FOXP2: variants seen among roughly 807,000 people sequenced by gnomAD.
FOXP2 encodes forkhead box protein P2.
Under a neutral mutation model 115.8 loss-of-function variants are expected in FOXP2, and 12 were observed. The ratio of observed to expected loss-of-function variants is 0.10; its 90% CI spans 0.07 to 0.17. FOXP2 has a LOEUF of 0.17. Among genes scored for constraint, FOXP2 ranks in the 10% least tolerant of loss-of-function variants. FOXP2 has a pLI of 1.00. For missense variants in FOXP2, 629 were observed against 843.5 expected, an observed-to-expected ratio of 0.75 and a Z score of 3.15; for synonymous variants, 328 against 297.7, an observed-to-expected ratio of 1.10 and a Z score of -1.05.
At chr7:114,542,682 T>C (rs1175774849) in intron 3 of FOXP2, among the ~76,000 whole-genome samples, 1 of 152,186 alleles carries the variant, frequency 6.6e-6, no homozygotes, top group Non-Finnish European at 1.5e-5. Flanking sequence ...TCTAAGAACA[T>C]CTAAGATTGT....
intron 3 of FOXP2, among the ~76,000 whole-genome samples, chr7:114,609,856 C>T (rs1001796894): frequency 6.6e-6 from 1 of 152,116 alleles, no homozygotes; most frequent in Non-Finnish European, 1.5e-5. Flanking sequence ...GCTTGATTTA[C>T]CTTCTATTTG....
intron 3 of FOXP2, among the ~76,000 whole-genome samples, chr7:114,618,225 A>G (rs1804053784): frequency 6.6e-6 from 1 of 152,220 alleles, no homozygotes; most frequent in Non-Finnish European, 1.5e-5. Flanking sequence ...ATGAATGACT[A>G]TGGAGGGTTT....
At chr7:114,474,467 A>G (rs887101424) in intron 2 of FOXP2, among the ~76,000 whole-genome samples, 2 of 152,194 alleles carry the variant, frequency 1.3e-5, no homozygotes, top group African/African-American at 4.8e-5. Context: ...CATAACAAAC[A>G]TCCTGACTCT....
chr7:114,454,832 A>G (rs1795228711), intron 2 of FOXP2, among the ~76,000 whole-genome samples: 1 of 126,666 alleles, frequency 7.9e-6, no homozygotes, highest in Non-Finnish European at 1.6e-5. Flanking sequence ...GATCACATGG[A>G]CACAGGAAGG....
At chr7:114,277,130 A>T (rs1796209649) in intron 1 of FOXP2, among the ~76,000 whole-genome samples, 2 of 152,214 alleles carry the variant, frequency 1.3e-5, no homozygotes, top group South Asian at 4.1e-4. Context: ...TCATCAGGAA[A>T]GTTCTTGTAA....
At chr7:114,673,250 T>C (rs758375784) in intron 16 of FOXP2, among the ~76,000 whole-genome samples, 6 of 152,206 alleles carry the variant, frequency 3.9e-5, no homozygotes, top group Non-Finnish European at 7.3e-5. Context: ...GAATGTTTAT[T>C]GATAGTTTTC....
At chr7:114,284,636 T>C (rs1274427702) in intron 1 of FOXP2, among the ~76,000 whole-genome samples, 3 of 152,168 alleles carry the variant, frequency 2.0e-5, no homozygotes, top group Admixed American at 6.6e-5. Flanking sequence ...TCAACCATTA[T>C]AGAAAACTGT....
intron 3 of FOXP2, among the ~76,000 whole-genome samples, chr7:114,555,948 C>T (rs1800434185): frequency 6.6e-6 from 1 of 152,134 alleles, no homozygotes; most frequent in Non-Finnish European, 1.5e-5. Context: ...GTCTTCTATA[C>T]CTCCCTCATC....
At chr7:114,570,745 T>G in intron 3 of FOXP2, 1 of 1,226,802 alleles carries the variant, frequency 8.2e-7, no homozygotes, top group Admixed American at 1.7e-5. Flanking sequence ...TAATGTACGT[T>G]ATTAGCACAA....
At chr7:114,375,983 G>A (rs1792128478) in intron 2 of FOXP2, among the ~76,000 whole-genome samples, 2 of 152,154 alleles carry the variant, frequency 1.3e-5, no homozygotes, top group Non-Finnish European at 2.9e-5. Flanking sequence ...GGCCATCTTT[G>A]GACATAATCT....
At chr7:114,526,172 T>TAAAA (rs3028251) in intron 2 of FOXP2, among the ~76,000 whole-genome samples, 10,429 of 79,482 alleles carry the variant, frequency 0.13, 1,032 homozygotes, top group Middle Eastern at 0.18. Flanking sequence ...GTTTCTTTAT[T>TAAAA]AAAAAAAAAA....
At chr7:114,377,269 A>C (rs1174343143) in intron 2 of FOXP2, among the ~76,000 whole-genome samples, 1 of 152,236 alleles carries the variant, frequency 6.6e-6, no homozygotes, top group Non-Finnish European at 1.5e-5. Flanking sequence ...TACTTTCCAA[A>C]TACTCATTGA....
intron 1 of FOXP2, among the ~76,000 whole-genome samples, chr7:114,102,965 G>A (rs1039570772): frequency 1.4e-4 from 22 of 152,022 alleles, no homozygotes; most frequent in African/African-American, 5.1e-4. Flanking sequence ...GTTGTTCAGT[G>A]CTTGACTTTT....
At chr7:114,236,790 A>G (rs1194319) in intron 1 of FOXP2, among the ~76,000 whole-genome samples, 101,551 of 151,804 alleles carry the variant, frequency 0.67, 34,479 homozygotes, top group Middle Eastern at 0.83. Flanking sequence ...CAGCTTTGCC[A>G]ACATAGCAAA....
chr7:114,563,195 C>A (rs1221777648), intron 3 of FOXP2, among the ~76,000 whole-genome samples: 1 of 152,162 alleles, frequency 6.6e-6, no homozygotes, highest in East Asian at 1.9e-4. Context: ...AAGGGAACTA[C>A]AATTCAAGAT....
At chr7:114,146,304 C>A (rs1447629611) in intron 1 of FOXP2, among the ~76,000 whole-genome samples, 1 of 152,172 alleles carries the variant, frequency 6.6e-6, no homozygotes, top group Non-Finnish European at 1.5e-5. Flanking sequence ...GAACACTAGG[C>A]ATAATACATG....
At chr7:114,288,265 A>G (rs1443787892) in intron 2 of FOXP2, among the ~76,000 whole-genome samples, 3 of 151,958 alleles carry the variant, frequency 2.0e-5, no homozygotes, top group Admixed American at 1.3e-4. Context: ...TAAGTGTGGC[A>G]GTAGAAATAT....
At chr7:114,175,607 C>T (rs1056387003) in intron 1 of FOXP2, among the ~76,000 whole-genome samples, 1 of 152,146 alleles carries the variant, frequency 6.6e-6, no homozygotes, top group Non-Finnish European at 1.5e-5. Context: ...CATTTTTCTA[C>T]ATATGGTGTA....
chr7:114,638,919 A>T (rs1805374019), intron 6 of FOXP2, among the ~76,000 whole-genome samples: 1 of 152,186 alleles, frequency 6.6e-6, no homozygotes, highest in African/African-American at 2.4e-5. Context: ...GGATTATTTG[A>T]ACAGGCCATT....
Sources: allele counts gnomAD v4.1 joint callset (sites outside exome capture counted in the v4.1 genomes callset), GRCh38; gene constraint gnomAD v4.1.1; transcripts MANE v1.5; gene names NCBI Gene and HGNC (gene_info 2026-07-23, HGNC 2026-07-21).